Variants in COL11A1 observed in about 807,000 individuals in gnomAD.
COL11A1 encodes collagen type XI alpha 1 chain.
COL11A1 carries 74 observed loss-of-function variants against 265.2 expected under a neutral mutation model. The ratio of observed to expected loss-of-function variants is 0.28; its 90% CI spans 0.23 to 0.34. The LOEUF (loss-of-function observed/expected upper bound fraction) is 0.34, where lower values mean the gene tolerates loss of function less well. Ranked by LOEUF, COL11A1 falls within the 10% of genes least tolerant of loss-of-function variation. The probability of loss-of-function intolerance (pLI) is 1.00; values close to 1 mark genes in which losing one functional copy is unlikely to be tolerated. For missense variants in COL11A1, 2,165 were observed against 2,263.6 expected (o/e 0.96, Z 0.88); for synonymous variants, 816 against 727.6 (o/e 1.12, Z -1.96).
intron 3 of COL11A1, among the ~76,000 whole-genome samples, chr1:103,076,196 T>C (rs115585645): frequency 0.014 from 2,184 of 152,222 alleles, 42 homozygotes; most frequent in African/African-American, 0.05. Flanking sequence ...ATTATTCTCT[T>C]TTTCTCATAC....
At chr1:102,969,120 G>A (rs1422395560) in intron 37 of COL11A1, among the ~76,000 whole-genome samples, 3 of 151,858 alleles carry the variant, frequency 2.0e-5, no homozygotes, top group Admixed American at 6.6e-5. Flanking sequence ...TTTTTCTTTT[G>A]TCTCACTAAA....
At chr1:102,881,057 A>G (rs1265107594) in intron 65 of COL11A1, among the ~76,000 whole-genome samples, 2 of 152,096 alleles carry the variant, frequency 1.3e-5, no homozygotes, top group East Asian at 3.8e-4. Flanking sequence ...GGAAAATAAT[A>G]GCTTTTCAAA....
chr1:102,907,259 T>A (rs1198476900), intron 54 of COL11A1, among the ~76,000 whole-genome samples: 1 of 152,082 alleles, frequency 6.6e-6, no homozygotes. Flanking sequence ...ATCATCTTTC[T>A]ATAAATTGTA....
At chr1:103,102,008 A>T (rs1025132334) in intron 1 of COL11A1, among the ~76,000 whole-genome samples, 1 of 152,088 alleles carries the variant, frequency 6.6e-6, no homozygotes, top group African/African-American at 2.4e-5. Context: ...TAGCCAAGTT[A>T]GTAGTAGGCC....
intron 5 of COL11A1, among the ~76,000 whole-genome samples, chr1:103,030,558 A>C (rs1229063197): frequency 3.0e-5 from 4 of 131,802 alleles, no homozygotes; most frequent in African/African-American, 1.1e-4. Flanking sequence ...TCAAAATCCA[A>C]AAAAAAAAAA....
At chr1:102,910,564 T>C (rs1247599594) in intron 54 of COL11A1, among the ~76,000 whole-genome samples, 1 of 152,178 alleles carries the variant, frequency 6.6e-6, no homozygotes, top group Non-Finnish European at 1.5e-5. Flanking sequence ...TCCTTGCTTA[T>C]ATTAAAAGCA....
chr1:103,091,608 G>A (rs1259339260), intron 1 of COL11A1, among the ~76,000 whole-genome samples: 1 of 152,032 alleles, frequency 6.6e-6, no homozygotes, highest in African/African-American at 2.4e-5. Flanking sequence ...CATGGGAAGT[G>A]TTCCACAATA....
At position 102,914,571 on chromosome 1, in the gene COL11A1, C is replaced by T. The variant is rs1001634151; in HGVS notation, c.3924+133G>A. ...GAATTAATTCAATTGAGAATGCTTA[C>T]GAATATATGAAATGATGAAAAGTCA... On this transcript the variant is annotated intron_variant, in intron 51 of 66. Transcript: ENST00000370096. 18 of 963,184 alleles carry T rather than the reference C, an allele frequency of 1.9e-5. 1 individual carries two copies. Among genetic ancestry groups the T allele is most frequent in the South Asian group, 1.3e-4 (9 of 68,336 alleles). The allele number at this position is 963,184 out of a possible 1,614,324, so 59.7% of individuals were successfully genotyped here. A position where few individuals can be genotyped will look rare whatever the true frequency, so the allele number is the denominator to read the frequency against.
chr1:103,062,561 G>A (rs969724370), intron 4 of COL11A1, among the ~76,000 whole-genome samples: 2 of 151,736 alleles, frequency 1.3e-5, no homozygotes, highest in African/African-American at 4.8e-5. Flanking sequence ...ACAAGCTAAA[G>A]AAAAAATAAA....
intron 46 of COL11A1, among the ~76,000 whole-genome samples, chr1:102,931,955 C>T (rs1657504265): frequency 6.6e-6 from 1 of 150,902 alleles, no homozygotes. Flanking sequence ...GTAGATCTTC[C>T]TCCATCCTTT....
intron 46 of COL11A1, among the ~76,000 whole-genome samples, chr1:102,929,473 C>CTGTTTTGGTACCAGTACT (rs1557834164): frequency 6.6e-6 from 1 of 151,974 alleles, no homozygotes; most frequent in Non-Finnish European, 1.5e-5. Context: ...GTACCAGTAC[C>CTGTTTTGGTACCAGTACT]ATGCTGTTTT....
chr1:102,931,816 T>A (rs1187440821), intron 46 of COL11A1, among the ~76,000 whole-genome samples: 1 of 151,870 alleles, frequency 6.6e-6, no homozygotes, highest in African/African-American at 2.4e-5. Context: ...TTAGCTCTTC[T>A]TGTTGAATTG....
intron 1 of COL11A1, among the ~76,000 whole-genome samples, chr1:103,101,368 A>G (rs1049592255): frequency 6.6e-6 from 1 of 152,018 alleles, no homozygotes; most frequent in Non-Finnish European, 1.5e-5. Context: ...GACTCTAAAG[A>G]CAGAAGTAAA....
chr1:103,023,008 A>T lies in COL11A1; in HGVS notation c.991-12T>A, dbSNP rs766245051. On this transcript the variant is annotated splice_polypyrimidine_tract_variant and intron_variant, in intron 7 of 66. Coordinates refer to ENST00000370096, the MANE Select transcript of COL11A1 (RefSeq NM_001854.4). ...TCAACTGGATTTGGCTATTAATTTA[A>T]ATTGCAAGGAATTGAGGAACATGAA... The T allele has an allele frequency of 6.2e-7, 1 of 1,608,108 alleles. No homozygotes were observed. Among genetic ancestry groups the T allele is most frequent in the East Asian group, 2.2e-5 (1 of 44,814 alleles).
At chr1:103,027,215 TA>T (rs1251874153) in intron 5 of COL11A1, among the ~76,000 whole-genome samples, 2 of 150,876 alleles carry the variant, frequency 1.3e-5, no homozygotes, top group Non-Finnish European at 3.0e-5. Flanking sequence ...TTGTACATAT[TA>T]AATAATGAGC....
chr1:103,049,789 G>C (rs1669638686), intron 4 of COL11A1, among the ~76,000 whole-genome samples: 1 of 152,118 alleles, frequency 6.6e-6, no homozygotes, highest in South Asian at 2.1e-4. Context: ...TTGTAGGGTA[G>C]GCCTGGTGGT....
chr1:102,976,586 A>G (rs1484142574), intron 35 of COL11A1, among the ~76,000 whole-genome samples: 1 of 152,096 alleles, frequency 6.6e-6, no homozygotes, highest in East Asian at 1.9e-4. Context: ...GGTGTGAGCC[A>G]TCGCGCCTGG....
In COL11A1 at chr1:103,004,433, A is replaced by G. The variant is rs71664954; in HGVS notation, c.1944+11T>C. On this transcript the variant is annotated intron_variant, in intron 20 of 66. Coordinates refer to ENST00000370096, the MANE Select transcript of COL11A1 (RefSeq NM_001854.4). ...GAAATATTACTTAAAAATAAAAAGT[A>G]AGTTGCTTACAGCTTCACCTGGAAG... 0.028 allele frequency: 44,431 copies of G among 1,602,428 alleles called. 783 individuals are homozygous for G. Among genetic ancestry groups the G allele is most frequent in the East Asian group, 0.06 (2,685 of 44,726 alleles).
At chr1:102,894,597 T>C (rs965969614) in intron 57 of COL11A1, among the ~76,000 whole-genome samples, 1 of 152,100 alleles carries the variant, frequency 6.6e-6, no homozygotes, top group Non-Finnish European at 1.5e-5. Context: ...ACTAAAATAG[T>C]AGTATAATTC....
Sources: allele counts gnomAD v4.1 joint callset (sites outside exome capture counted in the v4.1 genomes callset), GRCh38; gene constraint gnomAD v4.1.1; transcripts MANE v1.5; gene names NCBI Gene and HGNC (gene_info 2026-07-23, HGNC 2026-07-21).